Variants in TADA2A observed in about 807,000 individuals in gnomAD.
TADA2A encodes the protein transcriptional adapter 2-alpha.
In TADA2A, 38 loss-of-function variants were observed where a neutral mutation model predicts 67.4. The observed-to-expected ratio is 0.56, with a 90% CI of 0.44 to 0.74. The LOEUF is 0.74. Ranked by LOEUF, TADA2A falls within the 30% of genes least tolerant of loss-of-function variation. The probability of loss-of-function intolerance (pLI) is 0.00; values close to 1 mark genes in which losing one functional copy is unlikely to be tolerated. For synonymous variants in TADA2A, 192 were observed against 181.6 expected, an observed-to-expected ratio of 1.06 and a Z score of -0.46; for missense variants, 454 against 547.0, an observed-to-expected ratio of 0.83 and a Z score of 1.70.
chr17:37,438,088 A>C, intron 5 of TADA2A: 1 of 365,702 alleles, frequency 2.7e-6, no homozygotes, highest in Non-Finnish European at 4.9e-6. Flanking sequence ...GGGAAGATTG[A>C]TTATTATTCC....
intron 12 of TADA2A, 94 bp from the exon 13 acceptor site, chr17:37,470,306 A>G: frequency 6.7e-7 from 1 of 1,497,906 alleles, no homozygotes; most frequent in South Asian, 1.2e-5. Context: ...ACAGACTTTA[A>G]GAACAAAACC....
chr17:37,455,241 C>T (rs532358324), intron 8 of TADA2A, among the ~76,000 whole-genome samples: 59 of 151,288 alleles, frequency 3.9e-4, no homozygotes, highest in African/African-American at 1.4e-3. Context: ...CCAAGTTTTG[C>T]ATTACTCATA....
In TADA2A at chr17:37,421,383, ACT is replaced by A. The variant is rs545767182; in HGVS notation, c.26-2123_26-2122del. On this transcript the variant is annotated intron_variant, in intron 2 of 15. Coordinates refer to ENST00000615182, the MANE Select transcript of TADA2A (RefSeq NM_001166105.3). ...CAGTCTAAGACCCTGTCTCAAGAAGACTCTGTCTCAAGAAGACCCTGTCTCAA... is the reference window on the plus strand; with the variant it reads ...CAGTCTAAGACCCTGTCTCAAGAAGACTGTCTCAAGAAGACCCTGTCTCAA... Among the ~76,000 whole-genome samples the A allele has an allele frequency of 3.0e-5, 4 of 133,430 alleles. 1 individual carries two copies. Among genetic ancestry groups the A allele is most frequent in the South Asian group, 4.5e-4 (2 of 4,428 alleles). The allele number at this position is 133,430 out of a possible 152,430, so 87.5% of individuals were successfully genotyped here.
chr17:37,474,928 G>A (rs10459975), intron 15 of TADA2A, among the ~76,000 whole-genome samples: 1 of 152,120 alleles, frequency 6.6e-6, no homozygotes. Context: ...ACTCTACTGA[G>A]TGCTTTATGT....
intron 5 of TADA2A, among the ~76,000 whole-genome samples, chr17:37,439,922 A>ATTTTTTTTTTTTTT (rs778174627): frequency 1.0e-5 from 1 of 97,864 alleles, no homozygotes; most frequent in African/African-American, 4.6e-5. Flanking sequence ...TTATTTATTT[A>ATTTTTTTTTTTTTT]TTTATTTATT....
intron 7 of TADA2A, among the ~76,000 whole-genome samples, chr17:37,442,904 C>A (rs772757550): frequency 2.2e-4 from 33 of 152,160 alleles, no homozygotes; most frequent in Non-Finnish European, 1.0e-4. Flanking sequence ...TGGCTTACAC[C>A]TGTAATCCCA....
At chr17:37,411,423 T>C in intron 2 of TADA2A, 33 bp downstream of exon 2, 1 of 1,598,708 alleles carries the variant, frequency 6.3e-7, no homozygotes, top group Non-Finnish European at 8.6e-7. Flanking sequence ...TCAGGTGACT[T>C]ATTATTATTT....
At chr17:37,462,516 C>T (rs1419046310) in intron 10 of TADA2A, among the ~76,000 whole-genome samples, 1 of 152,078 alleles carries the variant, frequency 6.6e-6, no homozygotes, top group East Asian at 1.9e-4. Context: ...CCTGCAATCC[C>T]AGCTACTCAG....
At chr17:37,472,012 G>C (rs1263327581) in intron 14 of TADA2A, among the ~76,000 whole-genome samples, 1 of 151,968 alleles carries the variant, frequency 6.6e-6, no homozygotes, top group Non-Finnish European at 1.5e-5. Context: ...ACTGGGAATT[G>C]GGGGAGGTAT....
At chr17:37,414,004 T>C (rs936352612) in intron 2 of TADA2A, among the ~76,000 whole-genome samples, 4 of 152,078 alleles carry the variant, frequency 2.6e-5, no homozygotes, top group Non-Finnish European at 4.4e-5. Flanking sequence ...TGTGTCCATG[T>C]GTTCTTGTTT....
chr17:37,456,585 C>T (rs2053399034), intron 8 of TADA2A, among the ~76,000 whole-genome samples: 1 of 152,160 alleles, frequency 6.6e-6, no homozygotes, highest in Admixed American at 6.5e-5. Flanking sequence ...TGAGTTCTGT[C>T]TTGGATAGCT....
intron 12 of TADA2A, among the ~76,000 whole-genome samples, chr17:37,468,430 T>C (rs2053713840): frequency 6.6e-6 from 1 of 152,196 alleles, no homozygotes; most frequent in South Asian, 2.1e-4. Flanking sequence ...TGTATTATAG[T>C]AGTTAAGAGC....
rs188863329 is a variant in TADA2A at position 37,441,912 on chromosome 17, C to A, written c.443-652C>A. 2.8e-3 allele frequency among the ~76,000 whole-genome samples: 423 copies of A among 152,170 alleles called. 1 individual carries two copies. Among genetic ancestry groups the A allele is most frequent in the African/African-American group, 9.9e-3 (409 of 41,488 alleles). On this transcript the variant is annotated intron_variant, in intron 6 of 15. Transcript: ENST00000615182. ...CGAACTCCTGACCTTATGATCTGCC[C>A]GCCTCGGCCTCCCAAAGTGTTGGGA...
chr17:37,442,349 A>G (rs1335566851), intron 6 of TADA2A, among the ~76,000 whole-genome samples: 1 of 152,078 alleles, frequency 6.6e-6, no homozygotes, highest in Non-Finnish European at 1.5e-5. Context: ...CATTTTAGGA[A>G]AGCAGAAATC....
At chr17:37,446,108 T>G (rs1477191066) in intron 8 of TADA2A, among the ~76,000 whole-genome samples, 2 of 151,100 alleles carry the variant, frequency 1.3e-5, no homozygotes, top group African/African-American at 2.4e-5. Context: ...GGGGGGTTTT[T>G]TTTTTTTTTT....
rs745596107 is a variant in TADA2A at position 37,470,443 on chromosome 17, G to A, written c.939G>A (p.Glu313=). 5 of 1,613,722 alleles carry A rather than the reference G, an allele frequency of 3.1e-6. No individual in the cohort carries two copies. In the South Asian group the frequency reaches 5.5e-5, roughly 18 times the overall value. The change falls in exon 13 of 16, where the codon GAG becomes GAA. Residue 313 remains glutamate (E), a synonymous_variant. Coordinates refer to ENST00000615182, the MANE Select transcript of TADA2A (RefSeq NM_001166105.3). ...ACCTCAAGAAGACACGGGAGGAAGA[G>A]CGCCTTAAACGCACTATGCTCTCAG... ...YDHLKKTREE[E]RLKRTMLSEV... is the part of the protein sequence containing the mutation.
At chr17:37,470,258 C>T in intron 12 of TADA2A, 142 bp from the exon 13 acceptor site, 1 of 890,042 alleles carries the variant, frequency 1.1e-6, no homozygotes, top group East Asian at 2.7e-5. Flanking sequence ...CTACTTGGGT[C>T]TTGGAGAAAT....
intron 3 of TADA2A, chr17:37,426,611 G>T (rs1191282784): frequency 6.2e-6 from 1 of 160,588 alleles, no homozygotes; most frequent in African/African-American, 2.5e-5. Context: ...AGAGGTTGCA[G>T]TGAGCTGAGA....
rs192042582 is a variant in TADA2A at position 37,409,296 on chromosome 17, C to T, written c.-97-1973C>T. 8.5e-5 allele frequency among the ~76,000 whole-genome samples: 13 copies of T among 152,078 alleles called. No individual in the cohort carries two copies. In the East Asian group the frequency reaches 2.5e-3, roughly 30 times the overall value. On this transcript the variant is annotated intron_variant, in intron 1 of 15. Transcript: ENST00000615182. ...AGAGACGGGGTTCTCACTATGTTGC[C>T]CAGGCTGGTCTGAAACTCCTGACCT...
Sources: allele counts gnomAD v4.1 joint callset (sites outside exome capture counted in the v4.1 genomes callset), GRCh38; gene constraint gnomAD v4.1.1; transcripts MANE v1.5; gene names NCBI Gene and HGNC (gene_info 2026-07-23, HGNC 2026-07-21).